RSPO3: variants seen among roughly 807,000 people sequenced by gnomAD.
RSPO3 encodes R-spondin 3.
In RSPO3, 17 loss-of-function variants were observed where a neutral mutation model predicts 36.5. The ratio of observed to expected loss-of-function variants is 0.47; its 90% CI spans 0.32 to 0.70. RSPO3 has a LOEUF of 0.70. RSPO3 is among the 30% of genes least tolerant of loss of function. The probability of loss-of-function intolerance (pLI) is 0.04; values close to 1 mark genes in which losing one functional copy is unlikely to be tolerated. For synonymous variants in RSPO3, 108 were observed against 107.0 expected (o/e 1.01, Z -0.06); for missense variants, 294 against 322.5 (o/e 0.91, Z 0.68).
chr6:127,174,066 G>A (rs1470242244), intron 4 of RSPO3, among the ~76,000 whole-genome samples: 1 of 150,434 alleles, frequency 6.6e-6, no homozygotes, highest in Non-Finnish European at 1.5e-5. Flanking sequence ...TTACAGTTTA[G>A]TTGGGTTGTC....
intron 1 of RSPO3, among the ~76,000 whole-genome samples, chr6:127,129,724 A>G (rs1358252172): frequency 6.6e-6 from 1 of 152,056 alleles, no homozygotes; most frequent in Non-Finnish European, 1.5e-5. Flanking sequence ...AGTTTATGTC[A>G]CTATCCTCAT....
At chr6:127,147,465 T>C (rs1774408034) in intron 1 of RSPO3, among the ~76,000 whole-genome samples, 1 of 152,184 alleles carries the variant, frequency 6.6e-6, no homozygotes, top group Non-Finnish European at 1.5e-5. Context: ...ATTATGGTTT[T>C]TTTTTCTTCT....
At chr6:127,128,099 T>C (rs773210159) in intron 1 of RSPO3, among the ~76,000 whole-genome samples, 2 of 152,128 alleles carry the variant, frequency 1.3e-5, no homozygotes, top group Non-Finnish European at 2.9e-5. Context: ...CATGAGAATG[T>C]TAGAAAAGTC....
intron 4 of RSPO3, among the ~76,000 whole-genome samples, chr6:127,168,787 A>G (rs1299549819): frequency 4.0e-5 from 6 of 151,888 alleles, no homozygotes; most frequent in Non-Finnish European, 7.4e-5. Flanking sequence ...AAGGTGTAAG[A>G]AAGGGATCCA....
rs1427582080 is a variant in RSPO3 at position 127,118,713 on chromosome 6, G to A, written c.-480G>A. On this transcript the variant is annotated 5_prime_UTR_variant, in exon 1 of 5. Transcript: ENST00000356698. The stretch of plus-strand genomic sequence containing the variant: ...TCGCGCACGCCAGAAGCAGCTCGGG[G>A]TCTCTCCGCCGCCCCTTGGCCATGG... 7 of 152,270 alleles carry A rather than the reference G, an allele frequency of 4.6e-5. No homozygotes were observed. The Admixed American group carries it at 4.6e-4, about 10-fold the overall frequency. 9.4% of individuals were successfully genotyped at this position (152,270 alleles called of 1,614,324 possible). A position where few individuals can be genotyped will look rare whatever the true frequency, so the allele number is the denominator to read the frequency against.
intron 4 of RSPO3, among the ~76,000 whole-genome samples, chr6:127,171,738 A>G (rs1238619827): frequency 6.6e-6 from 1 of 151,716 alleles, no homozygotes; most frequent in African/African-American, 2.4e-5. Context: ...TGCTAAATAC[A>G]TAATCTAAAA....
chr6:127,121,768 T>A (rs1417592516), intron 1 of RSPO3, among the ~76,000 whole-genome samples: 1 of 152,208 alleles, frequency 6.6e-6, no homozygotes, highest in African/African-American at 2.4e-5. Flanking sequence ...AAAGATTCAA[T>A]TCACAGTTCC....
At chr6:127,181,786 C>T (rs1775191757) in intron 4 of RSPO3, among the ~76,000 whole-genome samples, 1 of 151,896 alleles carries the variant, frequency 6.6e-6, no homozygotes, top group South Asian at 2.1e-4. Flanking sequence ...TACTCTTTCT[C>T]CTAAATATTC....
In RSPO3 at chr6:127,196,299, T is replaced by G. The variant is rs988782074; in HGVS notation, c.*292T>G. 9.5e-6 allele frequency: 2 copies of G among 210,082 alleles called. No individual in the cohort carries two copies. The highest frequency in any genetic ancestry group is 1.9e-5 in the Non-Finnish European group (2 of 105,502). 13.0% of individuals were successfully genotyped at this position (210,082 alleles called of 1,614,324 possible). A position where few individuals can be genotyped will look rare whatever the true frequency, so the allele number is the denominator to read the frequency against. On this transcript the variant is annotated 3_prime_UTR_variant, in exon 5 of 5. Transcript: ENST00000356698. ...GCTATAAGATGTAACAACGAAATGA[T>G]GACATCTGGAGAAGAAACATCTTTT...
chr6:127,184,566 T>G (rs1254157758), intron 4 of RSPO3, among the ~76,000 whole-genome samples: 3 of 151,946 alleles, frequency 2.0e-5, no homozygotes, highest in African/African-American at 7.2e-5. Context: ...TGAAAGTAAT[T>G]ATTTGATTTC....
rs73771627 is a variant in RSPO3 at position 127,191,944 on chromosome 6, G to T, written c.635-3879G>T. On this transcript the variant is annotated intron_variant, in intron 4 of 4. Transcript: ENST00000356698. ...ATATATAGACTCTGATCAAACCAAG[G>T]AAGTTGACTTTCAATGCCCCAGATT... Among the ~76,000 whole-genome samples the T allele has an allele frequency of 5.1e-3, 780 of 152,228 alleles. 6 individuals are homozygous for T. The highest frequency in any genetic ancestry group is 0.017 in the African/African-American group (724 of 41,536).
At chr6:127,176,654 T>C (rs1371892215) in intron 4 of RSPO3, among the ~76,000 whole-genome samples, 1 of 151,718 alleles carries the variant, frequency 6.6e-6, no homozygotes, top group Non-Finnish European at 1.5e-5. Context: ...CAGAAAGTAA[T>C]TTAGGATGAA....
At chr6:127,160,768 T>G (rs1434402925) in intron 4 of RSPO3, among the ~76,000 whole-genome samples, 1 of 152,102 alleles carries the variant, frequency 6.6e-6, no homozygotes, top group Non-Finnish European at 1.5e-5. Flanking sequence ...TCCATGCCTG[T>G]TTTAATTAGT....
chr6:127,197,695 T>C lies in RSPO3; in HGVS notation c.*1688T>C, dbSNP rs1283814290. 4.3e-6 allele frequency: 3 copies of C among 691,764 alleles called. No homozygotes were observed. Among genetic ancestry groups the C allele is most frequent in the Non-Finnish European group, 6.8e-6 (3 of 442,484 alleles). 42.9% of individuals were successfully genotyped at this position (691,764 alleles called of 1,614,324 possible). ...TTCTCCACCAGTTGTACAGTTCATG[T>C]AATCTACTTGGCTTAATTGATTTTC... On this transcript the variant is annotated 3_prime_UTR_variant, in exon 5 of 5. Transcript: ENST00000356698.
intron 4 of RSPO3, among the ~76,000 whole-genome samples, chr6:127,182,988 TC>T (rs1457856566): frequency 6.6e-6 from 1 of 151,976 alleles, no homozygotes; most frequent in Non-Finnish European, 1.5e-5. Flanking sequence ...TTGACAACCA[TC>T]CCAAGTGCTT....
chr6:127,137,444 G>A (rs1340791374), intron 1 of RSPO3, among the ~76,000 whole-genome samples: 1 of 152,094 alleles, frequency 6.6e-6, no homozygotes, highest in East Asian at 1.9e-4. Flanking sequence ...CTTTCCCCAA[G>A]TATCATGATA....
Position 127,197,762 on chromosome 6 carries a change from A to T in RSPO3, c.*1755A>T. ...TTCTAAGATATAAACATTTTAAATG[A>T]TTTATTCCTGTTTCTTATTCTGGTG... is the stretch of plus-strand genomic sequence containing the variant. On this transcript the variant is annotated 3_prime_UTR_variant, in exon 5 of 5. Transcript: ENST00000356698. The T allele has an allele frequency of 2.4e-6, 1 of 413,018 alleles. No homozygotes were observed. The highest frequency in any genetic ancestry group is 5.7e-5 in the South Asian group (1 of 17,464). The allele number at this position is 413,018 out of a possible 1,614,324, so 25.6% of individuals were successfully genotyped here.
chr6:127,151,426 C>G (rs1012757713), intron 3 of RSPO3, among the ~76,000 whole-genome samples: 3 of 151,928 alleles, frequency 2.0e-5, no homozygotes, highest in Non-Finnish European at 4.4e-5. Context: ...GTAAAATAGC[C>G]TAGGAAATCT....
chr6:127,148,850 A>G lies in RSPO3; in HGVS notation c.289+11A>G. The G allele has an allele frequency of 6.3e-7, 1 of 1,593,418 alleles. No homozygotes were observed. Among genetic ancestry groups the G allele is most frequent in the Non-Finnish European group, 8.6e-7 (1 of 1,166,860 alleles). On this transcript the variant is annotated intron_variant, in intron 2 of 4. Transcript: ENST00000356698. ...TAAATAAGTGTACAAGTAAGTGCCC[A>G]CACGAAATTGTATTTTTATCTCATC...
Sources: gnomAD v4.1 joint callset for allele counts (sites outside exome capture counted in the v4.1 genomes callset) on GRCh38, gnomAD v4.1.1 for gene constraint, MANE v1.5 for transcripts, NCBI Gene and HGNC (gene_info 2026-07-23, HGNC 2026-07-21) for gene names.